Variants in LUZP2 observed in about 807,000 individuals in gnomAD.
LUZP2 encodes leucine zipper protein 2.
LUZP2 carries 52 observed loss-of-function variants against 51.6 expected under a neutral mutation model. The ratio of observed to expected loss-of-function variants is 1.01; its 90% CI spans 0.81 to 1.27. The LOEUF is 1.27. Among genes scored for constraint, LUZP2 ranks in the 50% most tolerant of loss-of-function variants. LUZP2 has a pLI of 0.00. For missense variants in LUZP2, 436 were observed against 395.4 expected (o/e 1.10, Z -0.87); for synonymous variants, 154 against 137.3 (o/e 1.12, Z -0.85).
Position 24,649,296 on chromosome 11 carries a change from T to C in LUZP2, c.63-79873T>C, listed in dbSNP as rs1352928766. Among the ~76,000 whole-genome samples, 3 of 152,022 alleles carry C rather than the reference T, an allele frequency of 2.0e-5. No homozygotes were observed. In the East Asian group the frequency reaches 5.8e-4, roughly 29 times the overall value. On this transcript the variant is annotated intron_variant, in intron 1 of 11. Coordinates refer to ENST00000336930, the MANE Select transcript of LUZP2 (RefSeq NM_001009909.4). ...TTTCCAGGGATCCCAAAGAAGTAAC[T>C]CTTTCACCTTCTTTGTTAAACTATT...
chr11:24,897,484 T>C (rs1046298278), intron 5 of LUZP2, among the ~76,000 whole-genome samples: 3 of 151,890 alleles, frequency 2.0e-5, no homozygotes, highest in Admixed American at 6.6e-5. Context: ...AATGAACAAC[T>C]CTGGACGGGA....
intron 7 of LUZP2, among the ~76,000 whole-genome samples, chr11:24,948,805 TATCTATCTATCTATCTATC>T (rs1469177075): frequency 1.7e-5 from 2 of 116,706 alleles, no homozygotes; most frequent in African/African-American, 5.5e-5. Flanking sequence ...CTTGAAACTC[TATCTATCTATCTATCTATC>T]ATCTATCTAT....
At chr11:25,022,080 C>T (rs998349332) in intron 9 of LUZP2, among the ~76,000 whole-genome samples, 7 of 152,058 alleles carry the variant, frequency 4.6e-5, no homozygotes, top group Non-Finnish European at 1.0e-4. Context: ...GGAACACTCT[C>T]CCTGGACTCT....
At chr11:25,077,121 T>G (rs1446628478) in intron 10 of LUZP2, among the ~76,000 whole-genome samples, 9 of 152,202 alleles carry the variant, frequency 5.9e-5, no homozygotes, top group Non-Finnish European at 1.0e-4. Flanking sequence ...AGCACCACTG[T>G]GATCCCCAAA....
chr11:24,528,166 T>G (rs370149815), intron 1 of LUZP2, among the ~76,000 whole-genome samples: 2 of 151,318 alleles, frequency 1.3e-5, no homozygotes, highest in Non-Finnish European at 3.0e-5. Context: ...TAATTCTTTA[T>G]AGTCAAAAGC....
chr11:24,939,276 C>CA (rs1854677322), intron 7 of LUZP2, among the ~76,000 whole-genome samples: 1 of 152,046 alleles, frequency 6.6e-6, no homozygotes, highest in Non-Finnish European at 1.5e-5. Flanking sequence ...TTGACATTTT[C>CA]TGGTAGGTGC....
intron 1 of LUZP2, among the ~76,000 whole-genome samples, chr11:24,579,208 CT>C: frequency 6.6e-6 from 1 of 152,098 alleles, no homozygotes; most frequent in South Asian, 2.1e-4. Context: ...TAATTTCTTA[CT>C]TGATTTTTAT....
At chr11:24,952,637 G>C (rs919936604) in intron 7 of LUZP2, among the ~76,000 whole-genome samples, 1 of 151,696 alleles carries the variant, frequency 6.6e-6, no homozygotes, top group African/African-American at 2.4e-5. Context: ...GAAATCATCA[G>C]TACCTGAGTT....
At chr11:24,870,711 C>G (rs925442979) in intron 5 of LUZP2, among the ~76,000 whole-genome samples, 1 of 152,090 alleles carries the variant, frequency 6.6e-6, no homozygotes, top group African/African-American at 2.4e-5. Flanking sequence ...ATTTTTATTT[C>G]TGCCACAGAC....
chr11:24,955,525 A>G (rs1021187931), intron 7 of LUZP2, among the ~76,000 whole-genome samples: 12 of 152,190 alleles, frequency 7.9e-5, no homozygotes, highest in African/African-American at 2.9e-4. Context: ...AATATAATAA[A>G]GAAATAAAAA....
At chr11:24,960,598 T>G (rs1482946587) in intron 7 of LUZP2, among the ~76,000 whole-genome samples, 1 of 152,086 alleles carries the variant, frequency 6.6e-6, no homozygotes, top group Admixed American at 6.6e-5. Flanking sequence ...TGATATCCCC[T>G]TTATCATTTT....
At chr11:24,858,963 C>G (rs1359125260) in intron 5 of LUZP2, among the ~76,000 whole-genome samples, 1 of 152,162 alleles carries the variant, frequency 6.6e-6, no homozygotes, top group African/African-American at 2.4e-5. Flanking sequence ...AATCACATTT[C>G]TGCAGTTTGT....
intron 1 of LUZP2, among the ~76,000 whole-genome samples, chr11:24,676,273 C>G (rs1856549039): frequency 6.6e-6 from 1 of 152,144 alleles, no homozygotes; most frequent in African/African-American, 2.4e-5. Flanking sequence ...TTTTTATAGG[C>G]TGAAATTCTT....
rs1856392471 is a variant in LUZP2 at position 24,671,226 on chromosome 11, AT to A, written c.63-57937del. 3.3e-5 allele frequency among the ~76,000 whole-genome samples: 5 copies of A among 150,278 alleles called. No homozygotes were observed. In the South Asian group the frequency reaches 1.1e-3, roughly 32 times the overall value. ...AGAACTCTTCTATATCTGTGTAGAT[AT>A]TTTTTCTTCCTATAGATCTTATTAT... On this transcript the variant is annotated intron_variant, in intron 1 of 11. Transcript: ENST00000336930.
intron 9 of LUZP2, among the ~76,000 whole-genome samples, chr11:24,998,845 G>T (rs1856589215): frequency 1.3e-5 from 2 of 151,886 alleles, no homozygotes; most frequent in Non-Finnish European, 2.9e-5. Context: ...TTCTCTCAGG[G>T]ATCACAATAC....
rs1175457873 is a variant in LUZP2, at chr11:25,050,649, T to C, written c.858+519T>C. Among the ~76,000 whole-genome samples the C allele has an allele frequency of 2.0e-5, 3 of 152,096 alleles. No individual in the cohort carries two copies. The East Asian group carries it at 5.8e-4, about 29-fold the overall frequency. On this transcript the variant is annotated intron_variant, in intron 10 of 11. Transcript: ENST00000336930. ...AATCAGGTAAGTGTTCCATTAAGCA[T>C]TGCAACTAGATTCTTAGGACAACTG...
intron 7 of LUZP2, among the ~76,000 whole-genome samples, chr11:24,934,801 C>T (rs1056672798): frequency 2.0e-5 from 3 of 152,148 alleles, no homozygotes; most frequent in African/African-American, 4.8e-5. Flanking sequence ...AACTCTTTCT[C>T]ATTCTCATAT....
chr11:25,055,964 CAATA>C (rs1198822160), intron 10 of LUZP2, among the ~76,000 whole-genome samples: 1 of 152,084 alleles, frequency 6.6e-6, no homozygotes, highest in African/African-American at 2.4e-5. Context: ...AGCAAGCTCT[CAATA>C]ATTACTACTT....
At chr11:24,532,686 T>G (rs2133827411) in intron 1 of LUZP2, among the ~76,000 whole-genome samples, 1 of 151,160 alleles carries the variant, frequency 6.6e-6, no homozygotes, top group Middle Eastern at 3.4e-3. Context: ...GGGGTAGTGC[T>G]AGCCTAACAG....
Sources: allele counts gnomAD v4.1 joint callset (sites outside exome capture counted in the v4.1 genomes callset), GRCh38; gene constraint gnomAD v4.1.1; transcripts MANE v1.5; gene names NCBI Gene and HGNC (gene_info 2026-07-23, HGNC 2026-07-21).